The following CRCP variants were observed in gnomAD, a reference collection of about 807,000 sequenced individuals.
CRCP encodes the protein CGRP receptor component.
In CRCP, 18 loss-of-function variants were observed where a neutral mutation model predicts 18.5. The ratio of observed to expected loss-of-function variants is 0.97; its 90% CI spans 0.67 to 1.44. CRCP has a LOEUF of 1.44. Among genes scored for constraint, CRCP ranks in the 40% most tolerant of loss-of-function variants. The pLI is 0.00. For synonymous variants in CRCP, 53 were observed against 62.9 expected (o/e 0.84, Z 0.75); for missense variants, 130 against 176.4 (o/e 0.74, Z 1.49).
chr7:66,152,120 C>A (rs553833961), intron 5 of CRCP, 88 bp from the exon 6 acceptor site: 4 of 1,482,638 alleles, frequency 2.7e-6, no homozygotes, highest in Middle Eastern at 2.0e-4. Context: ...GCCAGGAGGC[C>A]GGGCTGAGAC....
intron 1 of CRCP, 95 bp from the exon 2 acceptor site, chr7:66,127,609 G>A (rs1787654221): frequency 1.5e-6 from 2 of 1,373,028 alleles, no homozygotes; most frequent in East Asian, 2.3e-5. Context: ...TTCAAAAAGT[G>A]GACTACTGTA....
chr7:66,140,636 C>T (rs1044519624), intron 4 of CRCP, among the ~76,000 whole-genome samples: 7 of 152,180 alleles, frequency 4.6e-5, no homozygotes, highest in South Asian at 2.1e-4. Context: ...AGGTGATTCG[C>T]CGCCTCAGCC....
At chr7:66,133,762 C>T (rs1209104642) in intron 3 of CRCP, among the ~76,000 whole-genome samples, 1 of 150,794 alleles carries the variant, frequency 6.6e-6, no homozygotes, top group African/African-American at 2.4e-5. Context: ...CCTCTTCTAG[C>T]TACTGGTTTT....
chr7:66,123,902 G>A (rs1369379104), intron 1 of CRCP, among the ~76,000 whole-genome samples: 34 of 145,972 alleles, frequency 2.3e-4, no homozygotes, highest in African/African-American at 7.9e-4. Flanking sequence ...AAAATGAGCC[G>A]GGCGTGGTGG....
At chr7:66,116,790 C>T (rs1787277645) in intron 1 of CRCP, among the ~76,000 whole-genome samples, 1 of 152,042 alleles carries the variant, frequency 6.6e-6, no homozygotes, top group Non-Finnish European at 1.5e-5. Flanking sequence ...TTCTGTTGGG[C>T]TTTCATCCTC....
intron 4 of CRCP, among the ~76,000 whole-genome samples, chr7:66,144,872 G>A (rs1418861097): frequency 6.6e-6 from 1 of 152,168 alleles, no homozygotes; most frequent in African/African-American, 2.4e-5. Flanking sequence ...GTCCTGGGCC[G>A]GGCACGGTGG....
intron 1 of CRCP, among the ~76,000 whole-genome samples, chr7:66,119,428 A>C (rs1336304766): frequency 6.6e-6 from 1 of 152,142 alleles, no homozygotes. Flanking sequence ...AAGCCTAAAG[A>C]GGAGGTCTTG....
intron 1 of CRCP, among the ~76,000 whole-genome samples, chr7:66,121,283 T>A (rs1341762230): frequency 6.6e-6 from 1 of 152,026 alleles, no homozygotes; most frequent in Non-Finnish European, 1.5e-5. Context: ...ACTCCTGAGC[T>A]CAGGTGATTC....
chr7:66,129,166 T>C (rs1257603866), intron 2 of CRCP, among the ~76,000 whole-genome samples: 2 of 152,034 alleles, frequency 1.3e-5, no homozygotes, highest in Non-Finnish European at 2.9e-5. Flanking sequence ...ACCCCGTCTC[T>C]ACTAAAAATA....
intron 1 of CRCP, 91 bp downstream of exon 1, chr7:66,115,061 G>C (rs1362416512): frequency 2.6e-6 from 4 of 1,541,798 alleles, no homozygotes; most frequent in Non-Finnish European, 3.5e-6. Context: ...GGGACTGGGC[G>C]ACCCTCGTAC....
intron 1 of CRCP, among the ~76,000 whole-genome samples, chr7:66,124,507 C>T (rs1787559766): frequency 6.7e-6 from 1 of 148,468 alleles, no homozygotes; most frequent in African/African-American, 2.5e-5. Context: ...TCCCTCCCTC[C>T]CTCCCTTCCT....
At chr7:66,147,064 G>A (rs542650013) in intron 5 of CRCP, among the ~76,000 whole-genome samples, 25 of 152,200 alleles carry the variant, frequency 1.6e-4, no homozygotes, top group African/African-American at 3.9e-4. Flanking sequence ...GGGGTGGGCC[G>A]GGCGCGGTGG....
chr7:66,130,094 A>ATTTTT (rs1484336159), intron 2 of CRCP: 22 of 104,612 alleles, frequency 2.1e-4, no homozygotes, highest in Middle Eastern at 3.6e-3. Context: ...GAGAAGCAGG[A>ATTTTT]TTCTTTTTTT....
At chr7:66,115,255 C>T (rs1002470994) in intron 1 of CRCP, among the ~76,000 whole-genome samples, 1 of 152,154 alleles carries the variant, frequency 6.6e-6, no homozygotes, top group African/African-American at 2.4e-5. Flanking sequence ...ATTCGTTTAC[C>T]AGCGTTTCTG....
chr7:66,141,384 G>A (rs566100528), intron 4 of CRCP, among the ~76,000 whole-genome samples: 128 of 151,834 alleles, frequency 8.4e-4, no homozygotes, highest in Non-Finnish European at 1.5e-3. Flanking sequence ...CCTGCTGCCC[G>A]TCCCCGCCTC....
chr7:66,138,292 A>G (rs1438870688), intron 4 of CRCP, among the ~76,000 whole-genome samples: 1 of 152,160 alleles, frequency 6.6e-6, no homozygotes, highest in African/African-American at 2.4e-5. Context: ...TTATCTCAGC[A>G]CTTTGGGAGG....
Position 66,116,389 on chromosome 7 carries a change from C to T in CRCP, c.8+1419C>T, listed in dbSNP as rs180988892. On this transcript the variant is annotated intron_variant, in intron 1 of 5. Coordinates refer to ENST00000395326, the MANE Select transcript of CRCP (RefSeq NM_014478.5). ...TCATGCCTGTAGTCTCAGCTACTTA[C>T]GAGGCTGAGATGGGAGGATCACTTG... Among the ~76,000 whole-genome samples the T allele has an allele frequency of 2.2e-3, 324 of 149,444 alleles. 2 individuals are homozygous for T. Among genetic ancestry groups the T allele is most frequent in the African/African-American group, 7.8e-3 (317 of 40,516 alleles).
At chr7:66,142,798 C>T (rs1411070065) in intron 4 of CRCP, among the ~76,000 whole-genome samples, 2 of 152,154 alleles carry the variant, frequency 1.3e-5, no homozygotes, top group African/African-American at 2.4e-5. Context: ...TGCCTGGCTT[C>T]TCCTGGCCCG....
intron 4 of CRCP, among the ~76,000 whole-genome samples, chr7:66,136,519 C>T (rs561124565): frequency 4.1e-4 from 63 of 152,140 alleles, no homozygotes; most frequent in Middle Eastern, 3.4e-3. Flanking sequence ...TGTGAGTCAC[C>T]GTGCCTGGCC....
Sources: gnomAD v4.1 joint callset for allele counts (sites outside exome capture counted in the v4.1 genomes callset) on GRCh38, gnomAD v4.1.1 for gene constraint, MANE v1.5 for transcripts, NCBI Gene and HGNC (gene_info 2026-07-23, HGNC 2026-07-21) for gene names.